PDZRN4: variants seen among roughly 807,000 people sequenced by gnomAD.
PDZRN4 encodes PDZ domain-containing RING finger protein 4.
In PDZRN4, 70 loss-of-function variants were observed where a neutral mutation model predicts 99.0. The ratio of observed to expected loss-of-function variants is 0.71; its 90% CI spans 0.58 to 0.86. The LOEUF (loss-of-function observed/expected upper bound fraction) is 0.86. PDZRN4 is among the 40% of genes least tolerant of loss of function. The probability of loss-of-function intolerance (pLI) is 0.00; values close to 1 mark genes in which losing one functional copy is unlikely to be tolerated. For synonymous variants in PDZRN4, 551 were observed against 501.6 expected, an observed-to-expected ratio of 1.10 and a Z score of -1.32; for missense variants, 1,474 against 1,331.2, an observed-to-expected ratio of 1.11 and a Z score of -1.67.
Position 41,394,560 on chromosome 12 carries a change from G to T in PDZRN4, c.844-111896G>T, listed in dbSNP as rs78497118. Reference sequence around the variant, plus strand: ...TCCAGCAACATCTTAGCTGGCTCGGGGTCACTCATGAGATTGACCAAGCTA... The same window carrying T: ...TCCAGCAACATCTTAGCTGGCTCGGTGTCACTCATGAGATTGACCAAGCTA... On this transcript the variant is annotated intron_variant, in intron 3 of 9. Coordinates refer to ENST00000402685, the MANE Select transcript of PDZRN4 (RefSeq NM_001164595.2). Among the ~76,000 whole-genome samples, 498 of 152,090 alleles carry T rather than the reference G, an allele frequency of 3.3e-3. 18 individuals are homozygous for T. The East Asian group carries it at 0.088, about 27-fold the overall frequency.
chr12:41,190,346 G>T (rs1404403473), intron 1 of PDZRN4, among the ~76,000 whole-genome samples: 2 of 152,138 alleles, frequency 1.3e-5, no homozygotes, highest in African/African-American at 2.4e-5. Context: ...ATACATATAC[G>T]CATATATACA....
At chr12:41,501,824 G>C (rs1938116096) in intron 3 of PDZRN4, among the ~76,000 whole-genome samples, 1 of 152,076 alleles carries the variant, frequency 6.6e-6, no homozygotes, top group African/African-American at 2.4e-5. Context: ...GATAAGTGCA[G>C]GGATGAGGCG....
At chr12:41,426,049 G>A in intron 3 of PDZRN4, among the ~76,000 whole-genome samples, 1 of 152,174 alleles carries the variant, frequency 6.6e-6, no homozygotes, top group Non-Finnish European at 1.5e-5. Context: ...GCAGTTTCAA[G>A]TTAGAATTTC....
At chr12:41,246,687 T>C (rs894409139) in intron 3 of PDZRN4, among the ~76,000 whole-genome samples, 1 of 152,204 alleles carries the variant, frequency 6.6e-6, no homozygotes, top group Admixed American at 6.5e-5. Context: ...GCTCTCATGT[T>C]CTTTATCTTA....
chr12:41,556,755 A>G (rs1939172749), intron 7 of PDZRN4, among the ~76,000 whole-genome samples: 1 of 152,202 alleles, frequency 6.6e-6, no homozygotes, highest in Non-Finnish European at 1.5e-5. Flanking sequence ...GTGAGGCTGG[A>G]AAGAGTTTTA....
intron 5 of PDZRN4, among the ~76,000 whole-genome samples, chr12:41,543,789 G>T (rs1476610286): frequency 6.6e-6 from 1 of 152,056 alleles, no homozygotes; most frequent in Non-Finnish European, 1.5e-5. Context: ...TTCAACAAAA[G>T]TCATGAACCT....
intron 3 of PDZRN4, among the ~76,000 whole-genome samples, chr12:41,293,213 C>T (rs1219507423): frequency 2.2e-5 from 3 of 138,054 alleles, no homozygotes; most frequent in African/African-American, 5.3e-5. Context: ...CAAGGTGGGG[C>T]TCTATGACTA....
chr12:41,191,151 G>T (rs1364870845), intron 1 of PDZRN4, among the ~76,000 whole-genome samples: 1 of 152,166 alleles, frequency 6.6e-6, no homozygotes, highest in South Asian at 2.1e-4. Context: ...GTTTTCAATT[G>T]CAGTGAAATC....
chr12:41,486,815 C>G (rs1340594706), intron 3 of PDZRN4, among the ~76,000 whole-genome samples: 1 of 152,156 alleles, frequency 6.6e-6, no homozygotes, highest in Non-Finnish European at 1.5e-5. Context: ...TCTTACTTCT[C>G]TCCCCTGCTC....
chr12:41,322,561 G>C (rs1197662786), intron 3 of PDZRN4, among the ~76,000 whole-genome samples: 3 of 124,236 alleles, frequency 2.4e-5, no homozygotes, highest in African/African-American at 9.5e-5. Context: ...CAGGATCTCT[G>C]CTCACTGCAA....
At position 41,518,809 on chromosome 12, in the gene PDZRN4, C is replaced by G. The variant is rs1008994909; in HGVS notation, c.1203+8896C>G. 1.8e-4 allele frequency among the ~76,000 whole-genome samples: 28 copies of G among 152,016 alleles called. 1 individual carries two copies. Among genetic ancestry groups the G allele is most frequent in the African/African-American group, 6.5e-4 (27 of 41,494 alleles). Reference sequence around the variant, plus strand: ...TCTACAAAAAAAATAATTAACTGGGCATGGTGGCATGCATCTGTGGTCCCA... The same window carrying G: ...TCTACAAAAAAAATAATTAACTGGGGATGGTGGCATGCATCTGTGGTCCCA... On this transcript the variant is annotated intron_variant, in intron 5 of 9. Transcript: ENST00000402685.
chr12:41,558,586 CA>C (rs36039472), intron 7 of PDZRN4, among the ~76,000 whole-genome samples: 46,647 of 152,078 alleles, frequency 0.31, 9,712 homozygotes, highest in African/African-American at 0.58. Flanking sequence ...ATGACACTTC[CA>C]AAATCCTTAG....
At chr12:41,554,970 A>C (rs1273461765) in intron 6 of PDZRN4, among the ~76,000 whole-genome samples, 1 of 149,652 alleles carries the variant, frequency 6.7e-6, no homozygotes, top group Non-Finnish European at 1.5e-5. Flanking sequence ...GCACTTTGGG[A>C]GGCCAAGGCG....
intron 4 of PDZRN4, among the ~76,000 whole-genome samples, chr12:41,507,803 A>G (rs1383352018): frequency 7.4e-6 from 1 of 135,688 alleles, no homozygotes; most frequent in African/African-American, 3.3e-5. Flanking sequence ...TTTATTTTAA[A>G]TAGCCCTTTG....
chr12:41,549,637 G>C (rs1939019114), intron 5 of PDZRN4, among the ~76,000 whole-genome samples: 1 of 152,186 alleles, frequency 6.6e-6, no homozygotes, highest in South Asian at 2.1e-4. Context: ...TTAGTCCCTT[G>C]CATTAAGGCT....
At chr12:41,244,572 T>C (rs1004059838) in intron 3 of PDZRN4, among the ~76,000 whole-genome samples, 2 of 151,824 alleles carry the variant, frequency 1.3e-5, no homozygotes, top group African/African-American at 4.8e-5. Context: ...CCAGAACACT[T>C]CCTGTTCCTT....
intron 3 of PDZRN4, among the ~76,000 whole-genome samples, chr12:41,281,668 A>T (rs1289490673): frequency 1.3e-5 from 2 of 152,202 alleles, no homozygotes; most frequent in African/African-American, 2.4e-5. Flanking sequence ...AGATCAGAGA[A>T]AAAAGAATGA....
intron 3 of PDZRN4, among the ~76,000 whole-genome samples, chr12:41,248,053 G>T (rs1043255458): frequency 1.2e-4 from 19 of 152,186 alleles, no homozygotes; most frequent in African/African-American, 3.9e-4. Flanking sequence ...GAACTGAAAT[G>T]ATGCTAGTTG....
intron 3 of PDZRN4, among the ~76,000 whole-genome samples, chr12:41,241,338 G>T (rs1951100692): frequency 6.6e-6 from 1 of 152,274 alleles, no homozygotes; most frequent in African/African-American, 2.4e-5. Flanking sequence ...TACTGTGTTT[G>T]GTTGTTAATT....
Sources: allele counts gnomAD v4.1 joint callset (sites outside exome capture counted in the v4.1 genomes callset), GRCh38; gene constraint gnomAD v4.1.1; transcripts MANE v1.5; gene names NCBI Gene and HGNC (gene_info 2026-07-23, HGNC 2026-07-21).